Variants in CLMP observed in about 807,000 individuals in gnomAD.
CLMP encodes the protein CXADR-like membrane protein.
A neutral mutation model predicts 45.2 loss-of-function variants in CLMP; 27 were observed. The ratio of observed to expected loss-of-function variants is 0.60; its 90% CI spans 0.44 to 0.82. The LOEUF (loss-of-function observed/expected upper bound fraction) is 0.82. Among genes scored for constraint, CLMP ranks in the 40% least tolerant of loss-of-function variants. CLMP has a pLI of 0.00. For missense variants in CLMP, 403 were observed against 448.4 expected, an observed-to-expected ratio of 0.90 and a Z score of 0.91; for synonymous variants, 167 against 171.4, an observed-to-expected ratio of 0.97 and a Z score of 0.20.
At position 123,103,163 on chromosome 11, in the gene CLMP, T is replaced by A. The variant is rs553866288; in HGVS notation, c.29-5211A>T. Among the ~76,000 whole-genome samples the A allele has an allele frequency of 4.6e-5, 7 of 152,258 alleles. No individual in the cohort carries two copies. In the East Asian group the frequency reaches 1.4e-3, roughly 29 times the overall value. ...GAATTACTATAAAGCAGCTTTAGAA[T>A]AGCTGGGAAATTCACTGGTTTGCAC... On this transcript the variant is annotated intron_variant, in intron 1 of 6. Coordinates refer to ENST00000448775, the MANE Select transcript of CLMP (RefSeq NM_024769.5).
intron 1 of CLMP, among the ~76,000 whole-genome samples, chr11:123,110,295 AAC>A (rs1374377430): frequency 6.6e-6 from 1 of 151,990 alleles, no homozygotes; most frequent in African/African-American, 2.4e-5. Flanking sequence ...CTCTACTAAA[AAC>A]ACAAAAATTA....
At chr11:123,115,454 T>C (rs77967386) in intron 1 of CLMP, among the ~76,000 whole-genome samples, 11,623 of 152,230 alleles carry the variant, frequency 0.076, 637 homozygotes, top group African/African-American at 0.15. Flanking sequence ...AATATTATGA[T>C]TCAACAATGG....
chr11:123,071,310 C>A lies in CLMP; in HGVS notation c.*2164G>T, dbSNP rs116274621. 13,169 of 152,162 alleles carry A rather than the reference C, an allele frequency of 0.087. 1,236 individuals carry two copies. Among genetic ancestry groups the A allele is most frequent in the African/African-American group, 0.23 (9,529 of 41,460 alleles). 9.4% of individuals were successfully genotyped at this position (152,162 alleles called of 1,614,324 possible). ...ATTAGCTGTACGTGGTGGCGCACAC[C>A]TATAATCCAAGCTACTTGGGGGACT... On this transcript the variant is annotated 3_prime_UTR_variant, in exon 7 of 7. Transcript: ENST00000448775.
intron 1 of CLMP, among the ~76,000 whole-genome samples, chr11:123,185,241 G>C (rs1861817939): frequency 6.6e-6 from 1 of 152,152 alleles, no homozygotes; most frequent in African/African-American, 2.4e-5. Flanking sequence ...TGTGCAGTGA[G>C]AATTTGGGAG....
chr11:123,152,811 T>A (rs533688371), intron 1 of CLMP, among the ~76,000 whole-genome samples: 75 of 152,220 alleles, frequency 4.9e-4, no homozygotes, highest in African/African-American at 1.8e-3. Context: ...ACCTTGCCAC[T>A]TTTTCCCTTT....
chr11:123,092,568 T>C (rs1181995065), intron 2 of CLMP, among the ~76,000 whole-genome samples: 1 of 152,120 alleles, frequency 6.6e-6, no homozygotes, highest in African/African-American at 2.4e-5. Flanking sequence ...AGTGCTGGGA[T>C]TACAGGCGTG....
chr11:123,138,266 A>C (rs1861105887), intron 1 of CLMP, among the ~76,000 whole-genome samples: 7 of 152,090 alleles, frequency 4.6e-5, no homozygotes. Flanking sequence ...ATTATAAAAC[A>C]CATGGAAACA....
In CLMP at chr11:123,130,772, A is replaced by T. The variant is rs569275200; in HGVS notation, c.29-32820T>A. Reference sequence around the variant, plus strand: ...ATTCCATTCAGAGCTGCTTCTAAACACCGTCATAGCAAAAAGTGTGGTAAG... The same window carrying T: ...ATTCCATTCAGAGCTGCTTCTAAACTCCGTCATAGCAAAAAGTGTGGTAAG... On this transcript the variant is annotated intron_variant, in intron 1 of 6. Coordinates refer to ENST00000448775, the MANE Select transcript of CLMP (RefSeq NM_024769.5). 9.4e-4 allele frequency among the ~76,000 whole-genome samples: 143 copies of T among 151,736 alleles called. 1 individual carries two copies. Among genetic ancestry groups the T allele is most frequent in the Non-Finnish European group, 8.8e-4 (60 of 67,916 alleles).
intron 1 of CLMP, among the ~76,000 whole-genome samples, chr11:123,111,738 C>T (rs1483726230): frequency 6.6e-6 from 1 of 152,140 alleles, no homozygotes; most frequent in East Asian, 1.9e-4. Context: ...TTTCCAACCA[C>T]GTGCATTGAA....
chr11:123,147,398 CAG>C (rs1474067834), intron 1 of CLMP, among the ~76,000 whole-genome samples: 5 of 152,198 alleles, frequency 3.3e-5, no homozygotes. Context: ...CCATAAGACT[CAG>C]AGGTCACATC....
Position 123,176,532 on chromosome 11 carries a change from G to C in CLMP, c.28+18381C>G, listed in dbSNP as rs150519431. Among the ~76,000 whole-genome samples, 4 of 152,226 alleles carry C rather than the reference G, an allele frequency of 2.6e-5. No individual in the cohort carries two copies. The East Asian group carries it at 7.7e-4, about 29-fold the overall frequency. On this transcript the variant is annotated intron_variant, in intron 1 of 6. Transcript: ENST00000448775. Reference sequence around the variant, plus strand: ...TCCTTTGAAGGTTGAGACTGAGCCAGTGGGACCCTAGTTGCTGAGATTCCA... The same window carrying C: ...TCCTTTGAAGGTTGAGACTGAGCCACTGGGACCCTAGTTGCTGAGATTCCA...
chr11:123,160,393 G>T (rs1286552731), intron 1 of CLMP, among the ~76,000 whole-genome samples: 3 of 151,542 alleles, frequency 2.0e-5, no homozygotes, highest in Non-Finnish European at 4.4e-5. Flanking sequence ...GAAGGACAGT[G>T]CTTAGAAGCA....
intron 1 of CLMP, among the ~76,000 whole-genome samples, chr11:123,180,744 C>A (rs912626516): frequency 3.9e-5 from 6 of 152,094 alleles, no homozygotes; most frequent in African/African-American, 1.2e-4. Context: ...GGTGTTTGCA[C>A]TGAAACCTGA....
In CLMP at chr11:123,073,768, A is replaced by T; in HGVS notation, c.828T>A (p.Asp276Glu). Residue 276 changes from aspartate (D) to glutamate (E), a missense_variant, in exon 7 of 7, where the codon GAT becomes GAA. Physicochemically the swap from Asp to Glu is conservative, Grantham distance 45. Coordinates refer to ENST00000448775, the MANE Select transcript of CLMP (RefSeq NM_024769.5). Reference sequence around the variant, plus strand: ...CAAGACGGGCTTTTGGAGCTTCAGCATCTTCTCTGAAGAGAAAAAACAGCA... The same window carrying T: ...CAAGACGGGCTTTTGGAGCTTCAGCTTCTTCTCTGAAGAGAAAAAACAGCA... Reference protein sequence around the residue: ...EEERPNEIREDAEAPKARLVK... With the variant: ...EEERPNEIREEAEAPKARLVK... 3 of 1,588,348 alleles carry T rather than the reference A, an allele frequency of 1.9e-6. No homozygotes were observed. Among genetic ancestry groups the T allele is most frequent in the Non-Finnish European group, 2.6e-6 (3 of 1,168,142 alleles).
intron 1 of CLMP, among the ~76,000 whole-genome samples, chr11:123,099,861 A>G (rs1166396015): frequency 6.6e-6 from 1 of 152,190 alleles, no homozygotes; most frequent in Non-Finnish European, 1.5e-5. Context: ...AGGAAGAGAT[A>G]ATTTAGGAGT....
At chr11:123,183,630 T>A (rs1291889034) in intron 1 of CLMP, among the ~76,000 whole-genome samples, 1 of 152,170 alleles carries the variant, frequency 6.6e-6, no homozygotes, top group African/African-American at 2.4e-5. Context: ...GAATCCTGCA[T>A]TCCATGTCCT....
At chr11:123,158,512 C>T (rs1861443962) in intron 1 of CLMP, among the ~76,000 whole-genome samples, 1 of 152,150 alleles carries the variant, frequency 6.6e-6, no homozygotes, top group South Asian at 2.1e-4. Context: ...GGTGGACCTG[C>T]CCTCCTCTAT....
At chr11:123,129,660 A>C (rs1443901021) in intron 1 of CLMP, among the ~76,000 whole-genome samples, 1 of 142,722 alleles carries the variant, frequency 7.0e-6, no homozygotes, top group Non-Finnish European at 1.5e-5. Context: ...TTCAGTATAT[A>C]AATTTTATAT....
At chr11:123,092,078 A>C (rs1462208180) in intron 2 of CLMP, among the ~76,000 whole-genome samples, 2 of 151,916 alleles carry the variant, frequency 1.3e-5, no homozygotes, top group Non-Finnish European at 2.9e-5. Flanking sequence ...CCTCAACAAC[A>C]CCTATATAAG....
Sources: allele counts gnomAD v4.1 joint callset (sites outside exome capture counted in the v4.1 genomes callset), GRCh38; gene constraint gnomAD v4.1.1; transcripts MANE v1.5; gene names NCBI Gene and HGNC (gene_info 2026-07-23, HGNC 2026-07-21).